The following PTPRT variants were observed in gnomAD, a reference collection of about 807,000 sequenced individuals.
PTPRT encodes receptor-type tyrosine-protein phosphatase T.
In PTPRT, 56 loss-of-function variants were observed where a neutral mutation model predicts 176.8. The observed-to-expected ratio is 0.32, with a 90% CI of 0.26 to 0.40. The LOEUF is 0.40. Among genes scored for constraint, PTPRT ranks in the 10% least tolerant of loss-of-function variants. PTPRT has a pLI of 1.00. For synonymous variants in PTPRT, 783 were observed against 739.0 expected (o/e 1.06, Z -0.96); for missense variants, 1,540 against 1,908.2 (o/e 0.81, Z 3.60).
chr20:42,778,123 G>T (rs1231529732), intron 4 of PTPRT, among the ~76,000 whole-genome samples: 1 of 152,208 alleles, frequency 6.6e-6, no homozygotes, highest in Non-Finnish European at 1.5e-5. Flanking sequence ...GACTTCAGGA[G>T]CAACCCCAGT....
chr20:43,073,478 T>TACAC (rs372231055), intron 1 of PTPRT, among the ~76,000 whole-genome samples: 5,542 of 96,714 alleles, frequency 0.057, 233 homozygotes, highest in African/African-American at 0.16. Flanking sequence ...AATATATATA[T>TACAC]ATACACACAC....
chr20:42,329,313 A>C (rs1445757200), intron 11 of PTPRT, among the ~76,000 whole-genome samples: 1 of 152,232 alleles, frequency 6.6e-6, no homozygotes, highest in African/African-American at 2.4e-5. Context: ...TCATAGGGAA[A>C]CATAAGTGGG....
rs935692776 is a variant in PTPRT, at chr20:42,248,941, T to A, written c.2177-119A>T. On this transcript the variant is annotated intron_variant, in intron 13 of 30. Coordinates refer to ENST00000373187, the MANE Select transcript of PTPRT (RefSeq NM_007050.6). ...GCTAACTATGTGCCAGGCACTGTGC[T>A]AAGGGCATCACATACATTGTCCCAT... 7.5e-6 allele frequency: 9 copies of A among 1,205,866 alleles called. No individual in the cohort carries two copies. The African/African-American group carries it at 1.2e-4, about 16-fold the overall frequency. 74.7% of individuals were successfully genotyped at this position (1,205,866 alleles called of 1,614,324 possible). A position where few individuals can be genotyped will look rare whatever the true frequency, so the allele number is the denominator to read the frequency against.
At chr20:42,255,623 A>G (rs988707292) in intron 13 of PTPRT, among the ~76,000 whole-genome samples, 6 of 152,226 alleles carry the variant, frequency 3.9e-5, no homozygotes, top group Non-Finnish European at 8.8e-5. Context: ...CAGCAATAAC[A>G]TAATTTGGCA....
chr20:42,085,695 G>A (rs769338043), intron 28 of PTPRT, 33 bp downstream of exon 28: 6 of 1,612,100 alleles, frequency 3.7e-6, no homozygotes, highest in Non-Finnish European at 4.2e-6. Flanking sequence ...TGGGGAGGAG[G>A]GGCTCAGCAA....
chr20:42,456,653 C>T (rs965533426), intron 8 of PTPRT, among the ~76,000 whole-genome samples: 1 of 152,074 alleles, frequency 6.6e-6, no homozygotes, highest in Non-Finnish European at 1.5e-5. Flanking sequence ...TAGCAAATTA[C>T]ACAAACAGAT....
At chr20:43,154,810 G>A (rs2014470090) in intron 1 of PTPRT, among the ~76,000 whole-genome samples, 1 of 152,122 alleles carries the variant, frequency 6.6e-6, no homozygotes, top group Non-Finnish European at 1.5e-5. Context: ...CATCTGATAA[G>A]GGGTTAATAT....
intron 1 of PTPRT, among the ~76,000 whole-genome samples, chr20:42,958,056 C>T (rs1026246031): frequency 4.0e-5 from 6 of 150,380 alleles, no homozygotes; most frequent in African/African-American, 1.2e-4. Flanking sequence ...GCAGAGAGAG[C>T]GGCAGACAGG....
intron 1 of PTPRT, among the ~76,000 whole-genome samples, chr20:42,948,877 T>C (rs1981054691): frequency 6.6e-6 from 1 of 152,212 alleles, no homozygotes; most frequent in South Asian, 2.1e-4. Flanking sequence ...CAGACCCACG[T>C]ATCCAATTGT....
intron 6 of PTPRT, among the ~76,000 whole-genome samples, chr20:42,722,585 T>A (rs1247163265): frequency 6.6e-6 from 1 of 152,130 alleles, no homozygotes; most frequent in Non-Finnish European, 1.5e-5. Context: ...TCTGAGAGTC[T>A]CAGAGTGCTC....
intron 1 of PTPRT, among the ~76,000 whole-genome samples, chr20:43,015,372 C>T (rs1985319159): frequency 6.6e-6 from 1 of 152,212 alleles, no homozygotes; most frequent in East Asian, 1.9e-4. Flanking sequence ...TGCAAAAGTG[C>T]TAACTCCATT....
chr20:42,520,220 A>G (rs1369069581), intron 7 of PTPRT, among the ~76,000 whole-genome samples: 2 of 152,108 alleles, frequency 1.3e-5, no homozygotes, highest in East Asian at 3.9e-4. Context: ...AAAACTTTCT[A>G]TTGTAAAATA....
chr20:42,963,986 T>C (rs562588698), intron 1 of PTPRT, among the ~76,000 whole-genome samples: 17 of 152,292 alleles, frequency 1.1e-4, no homozygotes, highest in African/African-American at 4.1e-4. Context: ...TGTTTTGTTT[T>C]GTAACCCTTT....
At chr20:43,153,859 G>C (rs1189296266) in intron 1 of PTPRT, among the ~76,000 whole-genome samples, 1 of 152,194 alleles carries the variant, frequency 6.6e-6, no homozygotes, top group African/African-American at 2.4e-5. Flanking sequence ...ATTATAGCAA[G>C]AACATGAGGT....
chr20:43,098,412 G>C (rs1476532347), intron 1 of PTPRT, among the ~76,000 whole-genome samples: 3 of 152,062 alleles, frequency 2.0e-5, no homozygotes, highest in African/African-American at 7.2e-5. Flanking sequence ...TTGTACATTA[G>C]GAATATTCAT....
intron 2 of PTPRT, among the ~76,000 whole-genome samples, chr20:42,877,378 T>A (rs536524172): frequency 6.6e-6 from 1 of 152,240 alleles, no homozygotes; most frequent in Admixed American, 6.5e-5. Flanking sequence ...GATGAGCAGC[T>A]GGCATCTTCA....
In PTPRT at chr20:43,129,682, G is replaced by A. The variant is rs368334326; in HGVS notation, c.88+59964C>T. ...CGCCCAGGCTGGAGTGCAGTGGCGGGATCTCGGCTCACTGCAAGCTCCGCC... is the reference window on the plus strand; with the variant it reads ...CGCCCAGGCTGGAGTGCAGTGGCGGAATCTCGGCTCACTGCAAGCTCCGCC... On this transcript the variant is annotated intron_variant, in intron 1 of 30. Transcript: ENST00000373187. Among the ~76,000 whole-genome samples the A allele has an allele frequency of 6.6e-3, 942 of 142,552 alleles. 3 individuals carry two copies. Among genetic ancestry groups the A allele is most frequent in the East Asian group, 0.023 (105 of 4,492 alleles). 93.5% of individuals were successfully genotyped at this position (142,552 alleles called of 152,430 possible). A position where few individuals can be genotyped will look rare whatever the true frequency, so the allele number is the denominator to read the frequency against.
At chr20:42,148,450 A>G (rs1988977022) in intron 17 of PTPRT, among the ~76,000 whole-genome samples, 1 of 152,082 alleles carries the variant, frequency 6.6e-6, no homozygotes, top group South Asian at 2.1e-4. Flanking sequence ...GCCCAAGAAT[A>G]TACATTGAGT....
intron 16 of PTPRT, among the ~76,000 whole-genome samples, chr20:42,169,412 A>G (rs1989977035): frequency 6.6e-6 from 1 of 151,914 alleles, no homozygotes; most frequent in Non-Finnish European, 1.5e-5. Flanking sequence ...GGTGTTAGAC[A>G]CTCTATGTAG....
Sources: allele counts gnomAD v4.1 joint callset (sites outside exome capture counted in the v4.1 genomes callset), GRCh38; gene constraint gnomAD v4.1.1; transcripts MANE v1.5; gene names NCBI Gene and HGNC (gene_info 2026-07-23, HGNC 2026-07-21).